Variants in POLA1 observed in about 807,000 individuals in gnomAD.
The protein encoded by POLA1 is DNA polymerase alpha catalytic subunit.
POLA1 carries 15 observed loss-of-function variants against 124.0 expected under a neutral mutation model. The observed-to-expected ratio is 0.12, with a 90% CI of 0.08 to 0.19. The LOEUF is 0.19. Ranked by LOEUF, POLA1 falls within the 10% of genes least tolerant of loss-of-function variation. POLA1 has a pLI of 1.00. For missense variants in POLA1, 886 were observed against 1,103.4 expected (o/e 0.80, Z 2.79); for synonymous variants, 408 against 389.4 (o/e 1.05, Z -0.56).
chrX:24,721,501 TCA>T (rs1930199610), intron 10 of POLA1, among the ~76,000 whole-genome samples: 1 of 112,626 alleles, frequency 8.9e-6, no homozygotes, highest in Non-Finnish European at 1.9e-5. Flanking sequence ...TTTGGTGAAA[TCA>T]ATGCTGCTAA....
intron 26 of POLA1, among the ~76,000 whole-genome samples, chrX:24,791,457 G>C (rs2045494913): frequency 8.9e-6 from 1 of 112,712 alleles, no homozygotes; most frequent in South Asian, 3.6e-4. Flanking sequence ...CACGATCTTG[G>C]CTCACTGCAA....
At chrX:24,863,896 G>GT (rs2046755329) in intron 34 of POLA1, among the ~76,000 whole-genome samples, 2 of 109,828 alleles carry the variant, frequency 1.8e-5, no homozygotes, top group South Asian at 3.9e-4. Context: ...TTCCTTTATG[G>GT]TTTTTTCCCA....
intron 34 of POLA1, among the ~76,000 whole-genome samples, chrX:24,852,568 C>A (rs183258962): frequency 8.9e-6 from 1 of 111,823 alleles, no homozygotes; most frequent in African/African-American, 3.3e-5. Flanking sequence ...CCTTGAACTC[C>A]CAAAGTGCTG....
At chrX:24,981,842 A>G (rs1465980233) in intron 36 of POLA1, among the ~76,000 whole-genome samples, 1 of 112,561 alleles carries the variant, frequency 8.9e-6, no homozygotes, top group Non-Finnish European at 1.9e-5. Context: ...TCAGAACAAT[A>G]GACAGACATA....
chrX:24,870,980 G>A (rs969530231), intron 34 of POLA1, among the ~76,000 whole-genome samples: 1 of 111,892 alleles, frequency 8.9e-6, no homozygotes, highest in African/African-American at 3.2e-5. Flanking sequence ...CTGGGAATGT[G>A]TATTAAAATC....
chrX:24,996,667 A>G lies in POLA1; in HGVS notation c.*717A>G, dbSNP rs11573534. The G allele has an allele frequency of 0.032, 3,565 of 112,539 alleles. 64 individuals are homozygous for G. Among genetic ancestry groups the G allele is most frequent in the Middle Eastern group, 0.092 (20 of 218 alleles). The allele number at this position is 112,539 out of a possible 1,213,427, so 9.3% of individuals were successfully genotyped here. ...CACATTGAAAATAATTTGATACTCTAACAATCCATTAACATGTGTAGGGGT... is the reference window on the plus strand; with the variant it reads ...CACATTGAAAATAATTTGATACTCTGACAATCCATTAACATGTGTAGGGGT... On this transcript the variant is annotated 3_prime_UTR_variant, in exon 37 of 37. Transcript: ENST00000379068.
At chrX:24,931,952 G>A (rs1327587556) in intron 36 of POLA1, among the ~76,000 whole-genome samples, 4 of 111,581 alleles carry the variant, frequency 3.6e-5, no homozygotes, top group Non-Finnish European at 7.5e-5. Context: ...AGGCTGGAGT[G>A]CAGTGGCACG....
At chrX:24,916,904 G>A (rs760436006) in intron 35 of POLA1, among the ~76,000 whole-genome samples, 1 of 112,110 alleles carries the variant, frequency 8.9e-6, no homozygotes, top group South Asian at 3.7e-4. Context: ...GTTTTCTATC[G>A]CATGTAGAAA....
intron 31 of POLA1, 69 bp from the exon 32 acceptor site, chrX:24,826,358 G>A: frequency 2.5e-6 from 2 of 791,857 alleles, no homozygotes; most frequent in Non-Finnish European, 1.8e-6. Context: ...GCAAGTGTCT[G>A]TGATTGAGTT....
chrX:24,805,425 A>G (rs1212974321), intron 26 of POLA1, among the ~76,000 whole-genome samples: 2 of 111,471 alleles, frequency 1.8e-5, no homozygotes, highest in Non-Finnish European at 1.9e-5. Context: ...TACTGCTATT[A>G]TGACTCGACT....
chrX:24,977,762 C>T (rs1454335162), intron 36 of POLA1, among the ~76,000 whole-genome samples: 2 of 112,025 alleles, frequency 1.8e-5, no homozygotes, highest in East Asian at 5.6e-4. Context: ...TGGTCAGATT[C>T]CCCAGAATAG....
At chrX:24,757,876 G>T (rs1448690527) in intron 26 of POLA1, among the ~76,000 whole-genome samples, 1 of 111,642 alleles carries the variant, frequency 9.0e-6, no homozygotes, top group East Asian at 2.8e-4. Context: ...AAACACTCTG[G>T]TTCCAAGCAT....
rs1369429507 is a variant in POLA1, at chrX:24,748,857, G to A, written c.2842-13G>A. ...AATGTTGTTGTTTGTCTTTTGTTCT[G>A]TGTGGCCTGCAGTATGACATTCGAC... is the stretch of plus-strand genomic sequence containing the variant. On this transcript the variant is annotated splice_polypyrimidine_tract_variant and intron_variant, in intron 25 of 36. Coordinates refer to ENST00000379068, the MANE Select transcript of POLA1 (RefSeq NM_001330360.2). The A allele has an allele frequency of 1.0e-5, 12 of 1,205,894 alleles. No homozygotes were observed. The South Asian group carries it at 2.1e-4, about 21-fold the overall frequency.
chrX:24,822,000 A>C (rs1407035235), intron 31 of POLA1, among the ~76,000 whole-genome samples: 1 of 111,247 alleles, frequency 9.0e-6, no homozygotes, highest in African/African-American at 3.3e-5. Context: ...AAGTTGAGAG[A>C]TCCTATGAAC....
At chrX:24,728,923 C>CT (rs1286848884) in intron 15 of POLA1, among the ~76,000 whole-genome samples, 1 of 112,111 alleles carries the variant, frequency 8.9e-6, no homozygotes, top group African/African-American at 3.2e-5. Context: ...TTTCCGCATA[C>CT]TATAAGTGAG....
intron 34 of POLA1, 138 bp from the exon 35 acceptor site, chrX:24,887,868 G>A (rs1318373225): frequency 1.3e-5 from 6 of 458,935 alleles, no homozygotes; most frequent in African/African-American, 1.2e-4. Flanking sequence ...TAACATGTCA[G>A]GAGAGAGAGA....
chrX:24,936,700 T>G (rs1424768714), intron 36 of POLA1, among the ~76,000 whole-genome samples: 2 of 111,198 alleles, frequency 1.8e-5, no homozygotes, highest in Non-Finnish European at 3.8e-5. Context: ...CCCGGCTAAT[T>G]TTTTGTGTTT....
At chrX:24,985,977 G>C (rs977443690) in intron 36 of POLA1, among the ~76,000 whole-genome samples, 1 of 111,337 alleles carries the variant, frequency 9.0e-6, no homozygotes, top group African/African-American at 3.3e-5. Flanking sequence ...TTCAAGACCA[G>C]CCTGACCAAC....
chrX:24,955,276 G>C (rs974939884), intron 36 of POLA1, among the ~76,000 whole-genome samples: 7 of 108,073 alleles, frequency 6.5e-5, no homozygotes, highest in African/African-American at 2.4e-4. Context: ...CAGTCTTCCT[G>C]CCTCAGCCTC....
Sources: gnomAD v4.1 joint callset for allele counts (sites outside exome capture counted in the v4.1 genomes callset) on GRCh38, gnomAD v4.1.1 for gene constraint, MANE v1.5 for transcripts, NCBI Gene and HGNC (gene_info 2026-07-23, HGNC 2026-07-21) for gene names.